Variants in TRMT11 observed in about 807,000 individuals in gnomAD.
TRMT11 encodes tRNA methyltransferase 11.
TRMT11 carries 53 observed loss-of-function variants against 62.8 expected under a neutral mutation model. The observed-to-expected ratio is 0.84, with a 90% CI of 0.68 to 1.06. TRMT11 has a LOEUF of 1.06. Among genes scored for constraint, TRMT11 ranks in the 50% least tolerant of loss-of-function variants. TRMT11 has a pLI of 0.00. For missense variants in TRMT11, 556 were observed against 553.4 expected (o/e 1.00, Z -0.05); for synonymous variants, 188 against 190.3 (o/e 0.99, Z 0.10).
intron 18 of TRMT11, among the ~76,000 whole-genome samples, chr6:126,113,953 A>C (rs1313828441): frequency 6.6e-6 from 1 of 152,058 alleles, no homozygotes; most frequent in Non-Finnish European, 1.5e-5. Context: ...CATGGATCGC[A>C]CTTTAAGGGA....
chr6:126,215,603 A>G, the TRMT11 span, among the ~76,000 whole-genome samples: 1 of 151,948 alleles, frequency 6.6e-6, no homozygotes, highest in Non-Finnish European at 1.5e-5. Flanking sequence ...GTTTTCTTGT[A>G]GGCAAGAGAT....
intron 2 of TRMT11, among the ~76,000 whole-genome samples, 176 bp downstream of exon 2, chr6:125,993,998 G>T (rs1381574042): frequency 6.6e-6 from 1 of 152,134 alleles, no homozygotes; most frequent in Non-Finnish European, 1.5e-5. Flanking sequence ...AAGTAATTTA[G>T]ATTTATTTCT....
chr6:126,016,392 C>G (rs1450794693), intron 11 of TRMT11, among the ~76,000 whole-genome samples: 4 of 152,114 alleles, frequency 2.6e-5, no homozygotes, highest in Non-Finnish European at 4.4e-5. Flanking sequence ...TTGAAATATC[C>G]TCAGTAGTTT....
intron 1 of TRMT11, among the ~76,000 whole-genome samples, chr6:126,182,286 G>T (rs1778475876): frequency 6.6e-6 from 1 of 151,990 alleles, no homozygotes; most frequent in Non-Finnish European, 1.5e-5. Flanking sequence ...GGGATCCTGT[G>T]ATAATCAGCA....
intron 1 of TRMT11, among the ~76,000 whole-genome samples, chr6:125,987,390 T>A (rs974446512): frequency 2.0e-5 from 3 of 152,178 alleles, no homozygotes; most frequent in Admixed American, 6.5e-5. Flanking sequence ...TGTTCATTAT[T>A]ACTGGATCAC....
the TRMT11 span, among the ~76,000 whole-genome samples, chr6:126,256,835 C>T: frequency 1.6e-4 from 24 of 152,006 alleles, no homozygotes; most frequent in African/African-American, 4.6e-4. Flanking sequence ...TTCCTATTGC[C>T]GATAAAAGGT....
chr6:126,171,979 A>G (rs1018117105), intron 21 of TRMT11, among the ~76,000 whole-genome samples: 12 of 152,140 alleles, frequency 7.9e-5, no homozygotes, highest in Non-Finnish European at 1.0e-4. Flanking sequence ...TCAGCCTCCC[A>G]AACGGCTGGG....
intron 21 of TRMT11, among the ~76,000 whole-genome samples, chr6:126,156,504 A>G (rs1778123443): frequency 6.6e-6 from 1 of 152,178 alleles, no homozygotes; most frequent in Admixed American, 6.5e-5. Context: ...ACAAGAACAG[A>G]CTAACATTCG....
chr6:126,201,585 A>G (rs980398308), intron 3 of TRMT11, among the ~76,000 whole-genome samples: 2 of 152,182 alleles, frequency 1.3e-5, no homozygotes, highest in African/African-American at 2.4e-5. Flanking sequence ...TGCAAATGAT[A>G]TTTCACAGAG....
chr6:126,104,056 T>C (rs1374974256), intron 17 of TRMT11, among the ~76,000 whole-genome samples: 1 of 152,196 alleles, frequency 6.6e-6, no homozygotes, highest in Admixed American at 6.5e-5. Context: ...AAAATAGCAC[T>C]TACAAATTTA....
chr6:126,172,443 C>T (rs1053119667), upstream of TRMT11, among the ~76,000 whole-genome samples: 1 of 152,180 alleles, frequency 6.6e-6, no homozygotes, highest in African/African-American at 2.4e-5. Flanking sequence ...ACCATGGCTG[C>T]ATTTCATTAC....
the TRMT11 span, among the ~76,000 whole-genome samples, chr6:126,246,130 G>A: frequency 2.4e-4 from 37 of 151,980 alleles, no homozygotes; most frequent in African/African-American, 8.7e-4. Context: ...AAAAAAATTA[G>A]CCAGGTGTAG....
intron 21 of TRMT11, among the ~76,000 whole-genome samples, chr6:126,161,040 C>G (rs1277783113): frequency 1.3e-5 from 2 of 151,986 alleles, no homozygotes; most frequent in African/African-American, 4.8e-5. Context: ...GCAGCCACCA[C>G]CTGGTACATC....
the TRMT11 span, among the ~76,000 whole-genome samples, chr6:126,227,492 G>A: frequency 6.6e-6 from 1 of 152,106 alleles, no homozygotes; most frequent in Non-Finnish European, 1.5e-5. Flanking sequence ...CACAGAACCT[G>A]AATTTGGATA....
At chr6:125,990,938 ATTAG>A (rs1159543478) in intron 1 of TRMT11, among the ~76,000 whole-genome samples, 1 of 152,020 alleles carries the variant, frequency 6.6e-6, no homozygotes, top group Non-Finnish European at 1.5e-5. Context: ...ACTTGCACAT[ATTAG>A]TTGCTTAAAA....
intron 17 of TRMT11, among the ~76,000 whole-genome samples, chr6:126,068,631 C>A (rs1332831505): frequency 6.6e-6 from 1 of 152,170 alleles, no homozygotes; most frequent in East Asian, 1.9e-4. Flanking sequence ...TTGTTTTAAT[C>A]ATTGTAACTT....
At chr6:126,231,257 A>G in the TRMT11 span, among the ~76,000 whole-genome samples, 162 of 152,330 alleles carry the variant, frequency 1.1e-3, 2 homozygotes, top group Non-Finnish European at 1.9e-3. Context: ...AAATGTCAGA[A>G]TACAGTTGAC....
the TRMT11 span, among the ~76,000 whole-genome samples, chr6:126,243,748 C>T: frequency 2.6e-5 from 4 of 152,116 alleles, no homozygotes; most frequent in South Asian, 6.2e-4. Context: ...CACATGGACA[C>T]AGGAAGGGGA....
intron 1 of TRMT11, chr6:125,987,227 A>G (rs1188985781): frequency 6.6e-6 from 1 of 152,128 alleles, no homozygotes; most frequent in East Asian, 1.9e-4. Context: ...TGCACATGGA[A>G]ATATGAGAGC....
Sources: gnomAD v4.1 joint callset for allele counts (sites outside exome capture counted in the v4.1 genomes callset) on GRCh38, gnomAD v4.1.1 for gene constraint, MANE v1.5 for transcripts, NCBI Gene and HGNC (gene_info 2026-07-23, HGNC 2026-07-21) for gene names.